The following OSBPL9 variants were observed in gnomAD, a reference collection of about 807,000 sequenced individuals.
The protein encoded by OSBPL9 is oxysterol-binding protein-related protein 9.
OSBPL9 carries 40 observed loss-of-function variants against 106.6 expected under a neutral mutation model. The observed-to-expected ratio is 0.38, with a 90% CI of 0.29 to 0.49. The LOEUF is 0.49. OSBPL9 is among the 20% of genes least tolerant of loss of function. OSBPL9 has a pLI of 0.97. For missense variants in OSBPL9, 609 were observed against 887.2 expected (o/e 0.69, Z 3.98); for synonymous variants, 269 against 295.4 (o/e 0.91, Z 0.92).
chr1:51,762,714 C>T (rs74080622), intron 11 of OSBPL9, among the ~76,000 whole-genome samples: 3,111 of 152,248 alleles, frequency 0.02, 62 homozygotes, highest in Middle Eastern at 0.088. Flanking sequence ...TTAAACCTAA[C>T]TTAGGTTATG....
chr1:51,715,860 A>G (rs540211397), intron 4 of OSBPL9, among the ~76,000 whole-genome samples: 55 of 152,198 alleles, frequency 3.6e-4, no homozygotes, highest in Non-Finnish European at 5.6e-4. Flanking sequence ...CTAGTTTAGA[A>G]CTGACCTCTT....
the OSBPL9 span, among the ~76,000 whole-genome samples, chr1:51,536,955 T>G: frequency 6.6e-6 from 1 of 152,224 alleles, no homozygotes; most frequent in South Asian, 2.1e-4. Context: ...GTAATGGTAA[T>G]CTGTAGAGAG....
At chr1:51,608,394 G>T (rs1262216880) in intron 2 of OSBPL9, among the ~76,000 whole-genome samples, 1 of 152,184 alleles carries the variant, frequency 6.6e-6, no homozygotes, top group African/African-American at 2.4e-5. Flanking sequence ...CTGGGTTCAA[G>T]TGATTCTCTT....
rs183020390 is a variant in OSBPL9, at chr1:51,660,475, C to T, written c.162+8434C>T. Among the ~76,000 whole-genome samples the T allele has an allele frequency of 1.5e-3, 230 of 152,022 alleles. 1 individual carries two copies. Among genetic ancestry groups the T allele is most frequent in the Admixed American group, 4.8e-3 (74 of 15,276 alleles). On this transcript the variant is annotated intron_variant, in intron 2 of 23. Coordinates refer to ENST00000428468, the MANE Select transcript of OSBPL9 (RefSeq NM_024586.6). ...TAATAAAGAAGACAAAAAGAAAATCCCCCCAAATGCATACAAATCTGTAAA... is the reference window on the plus strand; with the variant it reads ...TAATAAAGAAGACAAAAAGAAAATCTCCCCAAATGCATACAAATCTGTAAA...
upstream of OSBPL9, among the ~76,000 whole-genome samples, chr1:51,573,678 GT>G (rs1163793249): frequency 1.1e-4 from 16 of 151,776 alleles, no homozygotes; most frequent in Admixed American, 9.2e-4. Context: ...GCTGAGCAGG[GT>G]GGCGTGAGCC....
intron 3 of OSBPL9, among the ~76,000 whole-genome samples, chr1:51,691,027 A>C (rs34535197): frequency 1.4e-4 from 22 of 152,346 alleles, no homozygotes; most frequent in African/African-American, 5.3e-4. Flanking sequence ...TAGAAAAGAT[A>C]CAGTAAAAAT....
At chr1:51,669,624 C>T (rs759377607) in intron 3 of OSBPL9, 112 bp downstream of exon 3, 10 of 950,346 alleles carry the variant, frequency 1.1e-5, no homozygotes, top group African/African-American at 3.3e-5. Flanking sequence ...CCTGCATGAA[C>T]GAGTGCATAG....
At chr1:51,705,887 T>C (rs541264453) in intron 3 of OSBPL9, among the ~76,000 whole-genome samples, 3 of 152,244 alleles carry the variant, frequency 2.0e-5, no homozygotes, top group Non-Finnish European at 4.4e-5. Flanking sequence ...GGTCATTCAT[T>C]CATTTCACAT....
chr1:51,757,494 T>C (rs1413491181), intron 9 of OSBPL9, among the ~76,000 whole-genome samples: 1 of 151,778 alleles, frequency 6.6e-6, no homozygotes, highest in Non-Finnish European at 1.5e-5. Context: ...TTTTATCTCT[T>C]TTCCCTCAAA....
chr1:51,660,770 C>T (rs1647092568), intron 2 of OSBPL9, among the ~76,000 whole-genome samples: 1 of 152,186 alleles, frequency 6.6e-6, no homozygotes, highest in Non-Finnish European at 1.5e-5. Flanking sequence ...GATTCTGTCA[C>T]TCCTCTCTAG....
chr1:51,519,104 T>C, the OSBPL9 span: 50 of 853,288 alleles, frequency 5.9e-5, no homozygotes, highest in Non-Finnish European at 8.2e-5. Flanking sequence ...AGAAGCTGCC[T>C]GCTTGGCCCA....
At chr1:51,745,473 T>C (rs1004247909) in intron 4 of OSBPL9, 63 bp from the exon 5 acceptor site, 2 of 1,564,424 alleles carry the variant, frequency 1.3e-6, no homozygotes, top group Admixed American at 1.9e-5. Context: ...GGGAAAAGTA[T>C]TTTTTGTACT....
chr1:51,746,211 G>C (rs1203141366), intron 5 of OSBPL9, among the ~76,000 whole-genome samples: 1 of 152,070 alleles, frequency 6.6e-6, no homozygotes, highest in African/African-American at 2.4e-5. Context: ...CAAAATGCTG[G>C]GATTACAGGT....
rs1346957513 is a variant in OSBPL9 at position 51,733,391 on chromosome 1, G to A, written c.319-12145G>A. On this transcript the variant is annotated intron_variant, in intron 4 of 23. Coordinates refer to ENST00000428468, the MANE Select transcript of OSBPL9 (RefSeq NM_024586.6). ...ACTGGAGTTAGGTTTTTCCCTGTGA[G>A]TTAAAAATGCTTCCTAGGTCACCAA... Among the ~76,000 whole-genome samples the A allele has an allele frequency of 2.6e-5, 4 of 152,158 alleles. No homozygotes were observed. In the South Asian group the frequency reaches 8.3e-4, roughly 32 times the overall value.
chr1:51,550,659 C>T, the OSBPL9 span, among the ~76,000 whole-genome samples: 3 of 152,066 alleles, frequency 2.0e-5, no homozygotes, highest in South Asian at 4.2e-4. Flanking sequence ...ATTACAGGTG[C>T]CCGCCACCAA....
At chr1:51,723,876 C>T (rs1341752267) in intron 4 of OSBPL9, among the ~76,000 whole-genome samples, 21 of 152,106 alleles carry the variant, frequency 1.4e-4, no homozygotes. Flanking sequence ...CCAAGGAGTG[C>T]CATTGTTGGA....
intron 3 of OSBPL9, among the ~76,000 whole-genome samples, chr1:51,692,036 A>G (rs1655078184): frequency 6.6e-6 from 1 of 152,212 alleles, no homozygotes; most frequent in Non-Finnish European, 1.5e-5. Flanking sequence ...GGCTGAGTGC[A>G]GTGGCTCACA....
At chr1:51,617,571 G>C (rs1372615638) in intron 1 of OSBPL9, among the ~76,000 whole-genome samples, 1 of 152,180 alleles carries the variant, frequency 6.6e-6, no homozygotes, top group Non-Finnish European at 1.5e-5. Context: ...GGTTCATGCT[G>C]TCTTCATATG....
intron 3 of OSBPL9, among the ~76,000 whole-genome samples, chr1:51,696,576 C>T (rs1397821790): frequency 1.3e-5 from 2 of 152,116 alleles, no homozygotes; most frequent in Non-Finnish European, 2.9e-5. Context: ...ATTATGCCTC[C>T]GTAATATATA....
Sources: gnomAD v4.1 joint callset for allele counts (sites outside exome capture counted in the v4.1 genomes callset) on GRCh38, gnomAD v4.1.1 for gene constraint, MANE v1.5 for transcripts, NCBI Gene and HGNC (gene_info 2026-07-23, HGNC 2026-07-21) for gene names.